Variants in CCSER2 observed in about 807,000 individuals in gnomAD.
The protein encoded by CCSER2 is serine-rich coiled-coil domain-containing protein 2.
A neutral mutation model predicts 92.3 loss-of-function variants in CCSER2; 46 were observed. The observed-to-expected ratio is 0.50, with a 90% confidence interval of 0.39 to 0.64. The LOEUF (loss-of-function observed/expected upper bound fraction) is 0.64, where lower values mean the gene tolerates loss of function less well. Ranked by LOEUF, CCSER2 falls within the 30% of genes least tolerant of loss-of-function variation. The pLI, the probability that CCSER2 is intolerant of heterozygous loss-of-function variation, is 0.00. For synonymous variants in CCSER2, 433 were observed against 431.4 expected (o/e 1.00, Z -0.04); for missense variants, 1,244 against 1,238.9 (o/e 1.00, Z -0.06).
At chr10:84,512,425 T>G (rs568768075) in intron 9 of CCSER2, among the ~76,000 whole-genome samples, 20 of 102,694 alleles carry the variant, frequency 1.9e-4, no homozygotes, top group South Asian at 8.7e-4. Context: ...AGGAGAGAGA[T>G]AATGCATTTG....
At chr10:84,356,782 G>A (rs559645984) in intron 1 of CCSER2, among the ~76,000 whole-genome samples, 2 of 152,228 alleles carry the variant, frequency 1.3e-5, no homozygotes, top group Admixed American at 1.3e-4. Flanking sequence ...ATGAATAGGA[G>A]CTTATAAACC....
intron 1 of CCSER2, among the ~76,000 whole-genome samples, chr10:84,359,130 C>CT (rs79227211): frequency 4.7e-5 from 7 of 150,130 alleles, no homozygotes; most frequent in East Asian, 1.9e-4. Context: ...TTTGTCCCAA[C>CT]TTTTTTTTTT....
At chr10:84,513,329 C>T (rs111593208) in intron 9 of CCSER2, 120 bp from the exon 10 acceptor site, 97 of 749,154 alleles carry the variant, frequency 1.3e-4, no homozygotes, top group African/African-American at 9.3e-4. Flanking sequence ...TTAAAAGAAA[C>T]TCCACATATT....
At chr10:84,373,135 G>A (rs907155438) in intron 2 of CCSER2, among the ~76,000 whole-genome samples, 36 of 152,128 alleles carry the variant, frequency 2.4e-4, no homozygotes, top group African/African-American at 7.9e-4. Flanking sequence ...GTATAATCAG[G>A]GGACTAGATC....
rs1849531188 is a variant in CCSER2, at chr10:84,514,541, C to G, written c.*274C>G. The G allele has an allele frequency of 2.3e-6, 1 of 442,586 alleles. No individual in the cohort carries two copies. 27.4% of individuals were successfully genotyped at this position (442,586 alleles called of 1,614,324 possible). On this transcript the variant is annotated 3_prime_UTR_variant, in exon 10 of 10. Coordinates refer to ENST00000372088, the MANE Select transcript of CCSER2 (RefSeq NM_001284240.2). Reference sequence around the variant, plus strand: ...GGCCCAAATCATGTTATCCATCCCTCTCCACGTCAGAAAATTCATAATATT... The same window carrying G: ...GGCCCAAATCATGTTATCCATCCCTGTCCACGTCAGAAAATTCATAATATT...
intron 4 of CCSER2, among the ~76,000 whole-genome samples, chr10:84,424,463 G>A (rs1422804511): frequency 6.6e-6 from 1 of 151,996 alleles, no homozygotes; most frequent in East Asian, 1.9e-4. Flanking sequence ...TTTTAAAAAT[G>A]TTTTAAATTG....
rs190212622 is a variant in CCSER2 at position 84,517,113 on chromosome 10, T to A, written c.*2846T>A. On this transcript the variant is annotated 3_prime_UTR_variant, in exon 10 of 10. Transcript: ENST00000372088. ...CTCCACAAACCATTTATTGTCTTAG[T>A]TCTAGTGGTATCAATGAAGATAGTT... is the stretch of plus-strand genomic sequence containing the variant. 2.5e-4 allele frequency: 38 copies of A among 152,340 alleles called. No homozygotes were observed. The highest frequency in any genetic ancestry group is 9.1e-4 in the African/African-American group (38 of 41,580). 9.4% of individuals were successfully genotyped at this position (152,340 alleles called of 1,614,324 possible). A position where few individuals can be genotyped will look rare whatever the true frequency, so the allele number is the denominator to read the frequency against.
At chr10:84,469,284 A>C (rs1382643301) in intron 7 of CCSER2, among the ~76,000 whole-genome samples, 1 of 152,166 alleles carries the variant, frequency 6.6e-6, no homozygotes, top group Non-Finnish European at 1.5e-5. Flanking sequence ...TCTGCAATCC[A>C]TCTTTTTTGT....
chr10:84,479,181 A>T (rs1440093604), intron 9 of CCSER2, among the ~76,000 whole-genome samples: 2 of 152,206 alleles, frequency 1.3e-5, no homozygotes, highest in African/African-American at 4.8e-5. Flanking sequence ...AAGTAACTAT[A>T]AAAAAAGTAA....
chr10:84,389,183 A>G lies in CCSER2; in HGVS notation c.1614+15368A>G, dbSNP rs17256983. On this transcript the variant is annotated intron_variant, in intron 3 of 9. Transcript: ENST00000372088. ...TGCTTCTTAACTAGCTGGCCATTCT[A>G]CCGCACCACTGTTTATGTCATCTAT... The G allele has an allele frequency of 5.2e-3, 1,644 of 316,994 alleles. 5 individuals carry two copies. Among genetic ancestry groups the G allele is most frequent in the Non-Finnish European group, 7.9e-3 (1,286 of 161,778 alleles). The allele number at this position is 316,994 out of a possible 1,614,324, so 19.6% of individuals were successfully genotyped here.
chr10:84,415,939 C>T (rs778700674), intron 3 of CCSER2, among the ~76,000 whole-genome samples: 1 of 152,188 alleles, frequency 6.6e-6, no homozygotes, highest in Non-Finnish European at 1.5e-5. Context: ...GATTCAGCTC[C>T]ACTCCTAGTG....
At chr10:84,407,682 C>G (rs568718580) in intron 3 of CCSER2, among the ~76,000 whole-genome samples, 1 of 152,336 alleles carries the variant, frequency 6.6e-6, no homozygotes, top group South Asian at 2.1e-4. Context: ...AATAATACTT[C>G]TCTAGTGCAA....
At chr10:84,504,438 C>T (rs1440731832) in intron 9 of CCSER2, among the ~76,000 whole-genome samples, 1 of 152,100 alleles carries the variant, frequency 6.6e-6, no homozygotes, top group Admixed American at 6.6e-5. Context: ...AGCTTTTCCT[C>T]AGTTTAACCA....
chr10:84,353,632 G>A (rs148427860), intron 1 of CCSER2, among the ~76,000 whole-genome samples: 101 of 152,146 alleles, frequency 6.6e-4, no homozygotes, highest in African/African-American at 2.3e-3. Flanking sequence ...GGGTGAATGG[G>A]GCCTGCAATT....
chr10:84,413,157 G>C (rs1370526966), intron 3 of CCSER2, among the ~76,000 whole-genome samples: 1 of 145,450 alleles, frequency 6.9e-6, no homozygotes, highest in African/African-American at 2.6e-5. Flanking sequence ...CTTCAGTTCA[G>C]CTCTGATCTT....
At position 84,457,331 on chromosome 10, in the gene CCSER2, T is replaced by C. The variant is rs1325165481; in HGVS notation, c.2065-6602T>C. On this transcript the variant is annotated intron_variant, in intron 6 of 9. Transcript: ENST00000372088. ...GTTATATATAATATATTATATATAATATATTATATATTATATATAATATAT... is the reference window on the plus strand; with the variant it reads ...GTTATATATAATATATTATATATAACATATTATATATTATATATAATATAT... Among the ~76,000 whole-genome samples, 10 of 46,980 alleles carry C rather than the reference T, an allele frequency of 2.1e-4. No individual in the cohort carries two copies. The East Asian group carries it at 8.8e-3, about 41-fold the overall frequency. The allele number at this position is 46,980 out of a possible 152,430, so 30.8% of individuals were successfully genotyped here.
intron 3 of CCSER2, among the ~76,000 whole-genome samples, chr10:84,396,004 C>T (rs1841810260): frequency 1.3e-5 from 2 of 152,094 alleles, no homozygotes; most frequent in South Asian, 4.1e-4. Flanking sequence ...CACTTCTCTT[C>T]TATATTTATT....
intron 5 of CCSER2, among the ~76,000 whole-genome samples, chr10:84,429,003 A>ATATATATATATG (rs1438872108): frequency 6.7e-6 from 1 of 149,922 alleles, no homozygotes; most frequent in Admixed American, 6.6e-5. Flanking sequence ...ATATATATAT[A>ATATATATATATG]TATATATATA....
intron 3 of CCSER2, among the ~76,000 whole-genome samples, chr10:84,388,500 C>G (rs1040618720): frequency 2.6e-5 from 4 of 152,124 alleles, no homozygotes; most frequent in Non-Finnish European, 4.4e-5. Flanking sequence ...GATGCAGAAA[C>G]CAGTGTACTT....
Sources: gnomAD v4.1 joint callset for allele counts (sites outside exome capture counted in the v4.1 genomes callset) on GRCh38, gnomAD v4.1.1 for gene constraint, MANE v1.5 for transcripts, NCBI Gene and HGNC (gene_info 2026-07-23, HGNC 2026-07-21) for gene names.